ZSCAN18: variants seen among roughly 807,000 people sequenced by gnomAD.
The protein encoded by ZSCAN18 is zinc finger and SCAN domain containing 18, also known as zinc finger and SCAN domain-containing protein 18.
In ZSCAN18, 16 loss-of-function variants were observed where a neutral mutation model predicts 31.1. The ratio of observed to expected loss-of-function variants is 0.51; its 90% CI spans 0.35 to 0.78. The LOEUF is 0.78. Among genes scored for constraint, ZSCAN18 ranks in the 30% least tolerant of loss-of-function variants. The pLI is 0.01. For synonymous variants in ZSCAN18, 375 were observed against 320.7 expected (o/e 1.17, Z -1.81); for missense variants, 731 against 697.4 (o/e 1.05, Z -0.54).
chr19:58,086,313 T>C, intron 5 of ZSCAN18, 47 bp from the exon 6 acceptor site: 1 of 1,556,326 alleles, frequency 6.4e-7, no homozygotes, highest in Non-Finnish European at 8.9e-7. Flanking sequence ...CAACACAGAG[T>C]GGCTGATGGG....
At chr19:58,118,306 G>C (rs985820004) in exon 1 of ZSCAN18, 78 of 1,520,978 alleles carry the variant, frequency 5.1e-5, no homozygotes, top group Non-Finnish European at 2.1e-5. Flanking sequence ...GGGCGGGAAC[G>C]GAGGAAACAG....
In ZSCAN18 at chr19:58,084,524, C is replaced by G. The variant is rs1449786371; in HGVS notation, c.*161G>C. On this transcript the variant is annotated 3_prime_UTR_variant, in exon 7 of 7. Coordinates refer to ENST00000601144, the MANE Select transcript of ZSCAN18 (RefSeq NM_001145543.2). This position sits in a 1 kb window ranked among gnomAD's most constrained non-coding sequence, Gnocchi z 4.5. Reference sequence around the variant, plus strand: ...GTGAGGGCTTCCCGTGGACCCTTCTCGTTGGGAGCGCTTAGCCTCAGGAGC... The same window carrying G: ...GTGAGGGCTTCCCGTGGACCCTTCTGGTTGGGAGCGCTTAGCCTCAGGAGC... 2.9e-6 allele frequency: 2 copies of G among 685,770 alleles called. No homozygotes were observed. Among genetic ancestry groups the G allele is most frequent in the Non-Finnish European group, 2.2e-6 (1 of 448,758 alleles). 42.5% of individuals were successfully genotyped at this position (685,770 alleles called of 1,614,324 possible). A position where few individuals can be genotyped will look rare whatever the true frequency, so the allele number is the denominator to read the frequency against.
In ZSCAN18 at chr19:58,087,384, G is replaced by A. The variant is rs753286903; in HGVS notation, c.574C>T (p.Leu192=). 1.9e-6 allele frequency: 3 copies of A among 1,602,698 alleles called. No homozygotes were observed. The highest frequency in any genetic ancestry group is 2.2e-5 in the South Asian group (2 of 88,990). The change falls in exon 4 of 7, where the codon CTG becomes TTG. Residue 192 remains leucine, a synonymous_variant. Coordinates refer to ENST00000601144, the MANE Select transcript of ZSCAN18 (RefSeq NM_001145543.2). ...SETPWLSPDP[L]FLEQRRVREA... is the part of the protein sequence containing the mutation. ...CTGACCCTCCTCTGTTCCAGAAACA[G>A]GGGGTCCGGAGAAAGCCAGGCTGGG...
chr19:58,097,644 C>G (rs564713394), intron 1 of ZSCAN18, among the ~76,000 whole-genome samples: 1 of 151,416 alleles, frequency 6.6e-6, no homozygotes, highest in East Asian at 2.0e-4. Flanking sequence ...GTCCCCCCAC[C>G]ACGGACACCC....
intron 1 of ZSCAN18, among the ~76,000 whole-genome samples, chr19:58,104,569 G>GC (rs1435393356): frequency 6.6e-6 from 1 of 151,964 alleles, no homozygotes; most frequent in African/African-American, 2.4e-5. Flanking sequence ...AGGCATGGTG[G>GC]CAAGTGCCTG....
rs1411406548 is a variant in ZSCAN18 at position 58,085,436 on chromosome 19, G to A, written c.839-57C>T. 3.5e-6 allele frequency: 5 copies of A among 1,436,074 alleles called. No homozygotes were observed. In the African/African-American group the frequency reaches 5.8e-5, roughly 17 times the overall value. The allele number at this position is 1,436,074 out of a possible 1,614,324, so 89.0% of individuals were successfully genotyped here. A position where few individuals can be genotyped will look rare whatever the true frequency, so the allele number is the denominator to read the frequency against. On this transcript the variant is annotated intron_variant, in intron 6 of 6. Transcript: ENST00000601144. Reference sequence around the variant, plus strand: ...CCCCGCCCAGGGCCAGGGAGAGGAGGACCCAGCCGAGCCTCAGCTGCCGGA... The same window carrying A: ...CCCCGCCCAGGGCCAGGGAGAGGAGAACCCAGCCGAGCCTCAGCTGCCGGA...
upstream of ZSCAN18, among the ~76,000 whole-genome samples, chr19:58,101,055 G>A (rs931988091): frequency 3.3e-5 from 5 of 151,598 alleles, no homozygotes; most frequent in African/African-American, 1.2e-4. Context: ...ACTGATCTAT[G>A]TGTCTGCCAA....
chr19:58,107,120 T>G (rs1381901448), intron 1 of ZSCAN18, among the ~76,000 whole-genome samples: 1 of 152,170 alleles, frequency 6.6e-6, no homozygotes, highest in African/African-American at 2.4e-5. Flanking sequence ...TGATCTATGA[T>G]GGGCTGCAGA....
chr19:58,114,719 T>C (rs1301106197), intron 1 of ZSCAN18, among the ~76,000 whole-genome samples: 1 of 152,132 alleles, frequency 6.6e-6, no homozygotes, highest in Non-Finnish European at 1.5e-5. Flanking sequence ...AAAACAAATA[T>C]GGCAAAATAT....
intron 1 of ZSCAN18, among the ~76,000 whole-genome samples, chr19:58,091,606 C>A (rs908482848): frequency 1.3e-5 from 2 of 152,080 alleles, no homozygotes; most frequent in Non-Finnish European, 2.9e-5. Flanking sequence ...GTGCCCCACC[C>A]TCAGCTGAAT....
In ZSCAN18 at chr19:58,104,672, T is replaced by C. The variant is rs2074621149; in HGVS notation, c.130+13595A>G. The stretch of plus-strand genomic sequence containing the variant: ...GAGCCGAGATCATGCCACTGCACAC[T>C]AGCCTAGGCAAAAGAGTGAGACTCC... On this transcript the variant is annotated intron_variant, in intron 1 of 1. Transcript: ENST00000595721. Among the ~76,000 whole-genome samples the C allele has an allele frequency of 2.6e-5, 4 of 151,406 alleles. No individual in the cohort carries two copies. In the South Asian group the frequency reaches 6.3e-4, roughly 24 times the overall value.
At chr19:58,106,943 T>C (rs187598061) in intron 1 of ZSCAN18, among the ~76,000 whole-genome samples, 47 of 151,744 alleles carry the variant, frequency 3.1e-4, no homozygotes, top group African/African-American at 1.1e-3. Context: ...TTTTGTATTT[T>C]TAGTAGAGAT....
chr19:58,102,774 A>G (rs1670602870), upstream of ZSCAN18, among the ~76,000 whole-genome samples: 1 of 152,092 alleles, frequency 6.6e-6, no homozygotes, highest in African/African-American at 2.4e-5. Flanking sequence ...TCCTTCTGAT[A>G]TTACTCTTAT....
Position 58,084,574 on chromosome 19 carries a change from G to A in ZSCAN18, c.*111C>T, listed in dbSNP as rs985094106. The A allele has an allele frequency of 2.3e-5, 25 of 1,108,888 alleles. No individual in the cohort carries two copies. The Admixed American group carries it at 7.0e-4, about 31-fold the overall frequency. The allele number at this position is 1,108,888 out of a possible 1,614,324, so 68.7% of individuals were successfully genotyped here. On this transcript the variant is annotated 3_prime_UTR_variant, in exon 7 of 7. Coordinates refer to ENST00000601144, the MANE Select transcript of ZSCAN18 (RefSeq NM_001145543.2). The surrounding 1 kb of genome is among the most constrained non-coding windows in gnomAD (Gnocchi z 4.5). Reference sequence around the variant, plus strand: ...CGGATTCAGGGCACAGGCAGAGGACGTCCACAAACACCACAGGAAGCCGCC... The same window carrying A: ...CGGATTCAGGGCACAGGCAGAGGACATCCACAAACACCACAGGAAGCCGCC...
chr19:58,090,275 A>G lies in ZSCAN18; in HGVS notation c.-8T>C, dbSNP rs2145983671. 6.2e-7 allele frequency: 1 copy of G among 1,613,480 alleles called. No homozygotes were observed. The highest frequency in any genetic ancestry group is 8.5e-7 in the Non-Finnish European group (1 of 1,180,026). On this transcript the variant is annotated 5_prime_UTR_variant, in exon 2 of 7. Coordinates refer to ENST00000601144, the MANE Select transcript of ZSCAN18 (RefSeq NM_001145543.2). The surrounding 1 kb of genome is among the most constrained non-coding windows in gnomAD (Gnocchi z 4.7). ...CTTCTCCAAAGGCAACATCTTTCCA[A>G]AACGGCACTGGAAAATGTGACTGTC...
intron 3 of ZSCAN18, 52 bp from the exon 4 acceptor site, chr19:58,087,456 G>A: frequency 1.3e-6 from 2 of 1,525,646 alleles, no homozygotes; most frequent in South Asian, 2.4e-5. Flanking sequence ...GTGGCCAGGT[G>A]CCCTCAAGGG....
At chr19:58,102,962 C>A (rs551986893), upstream of ZSCAN18, among the ~76,000 whole-genome samples, 17 of 151,884 alleles carry the variant, frequency 1.1e-4, no homozygotes, top group African/African-American at 3.9e-4. Flanking sequence ...GTCTCTACTA[C>A]AATACAGAAA....
Position 58,106,710 on chromosome 19 carries a change from AAAAAAAAAAAAAAAAAAAG to A in ZSCAN18, c.130+11538_130+11556del, listed in dbSNP as rs1354670135. ...CAGAGCGAGACTCCGTCTCAAAAAA[AAAAAAAAAAAAAAAAAAAG>A]AAAGAAAGAAAAAAAGACATCTGTT... On this transcript the variant is annotated intron_variant, in intron 1 of 1. Coordinates refer to the ZSCAN18 transcript ENST00000595721. Among the ~76,000 whole-genome samples the A allele has an allele frequency of 1.6e-3, 16 of 10,112 alleles. 7 individuals carry two copies. The highest frequency in any genetic ancestry group is 2.5e-3 in the African/African-American group (14 of 5,532). The allele number at this position is 10,112 out of a possible 152,430, so 6.6% of individuals were successfully genotyped here.
intron 1 of ZSCAN18, chr19:58,108,140 GT>G: frequency 1.0e-6 from 1 of 987,122 alleles, no homozygotes; most frequent in Non-Finnish European, 1.2e-6. Context: ...GCTGACTGTT[GT>G]GGTTGGAGAA....
Sources: gnomAD v4.1 joint callset for allele counts (sites outside exome capture counted in the v4.1 genomes callset) on GRCh38, gnomAD v4.1.1 for gene constraint, Gnocchi (gnomAD v3.1) non-coding constraint, MANE v1.5 for transcripts, NCBI Gene and HGNC (gene_info 2026-07-23, HGNC 2026-07-21) for gene names.